Variants in DIP2A observed in about 807,000 individuals in gnomAD.
The protein encoded by DIP2A is DIP2 acetate--CoA ligase A.
DIP2A carries 85 observed loss-of-function variants against 177.4 expected under a neutral mutation model. That is an observed-to-expected ratio of 0.48 (90% CI 0.40 to 0.57). The LOEUF (loss-of-function observed/expected upper bound fraction) is 0.57, where lower values mean the gene tolerates loss of function less well. Among genes scored for constraint, DIP2A ranks in the 20% least tolerant of loss-of-function variants. The pLI is 0.00. For missense variants in DIP2A, 1,791 were observed against 2,100.2 expected (o/e 0.85, Z 2.88); for synonymous variants, 886 against 881.8 (o/e 1.00, Z -0.08).
rs2058307263 is a variant in DIP2A, at chr21:46,511,428, G to T, written c.916G>T (p.Asp306Tyr). The T allele has an allele frequency of 6.2e-7, 1 of 1,609,878 alleles. No homozygotes were observed. The highest frequency in any genetic ancestry group is 1.1e-5 in the South Asian group (1 of 90,238). Residue 306 changes from aspartate (D) to tyrosine (Y), a missense_variant, in exon 8 of 38, where the codon GAT (aspartate) becomes TAT (tyrosine). Coordinates refer to ENST00000417564, the MANE Select transcript of DIP2A (RefSeq NM_015151.4). The part of the protein sequence containing the change: ...FEELLEVQQP[D>Y]PNQPKPEGSE... Reference sequence around the variant, plus strand: ...GATTTTGCTTGTAGTTCAGCAACCAGATCCAAATCAGCCAAAGCCTGAGGG... The same window carrying T: ...GATTTTGCTTGTAGTTCAGCAACCATATCCAAATCAGCCAAAGCCTGAGGG...
chr21:46,507,745 G>C (rs1338437210), intron 6 of DIP2A, among the ~76,000 whole-genome samples: 6 of 129,766 alleles, frequency 4.6e-5, no homozygotes, highest in African/African-American at 1.8e-4. Flanking sequence ...CTGTCACCCA[G>C]GATGGAGTGC....
intron 1 of DIP2A, among the ~76,000 whole-genome samples, chr21:46,483,296 T>C (rs974441827): frequency 1.4e-5 from 2 of 147,600 alleles, no homozygotes; most frequent in African/African-American, 5.1e-5. Context: ...AAAGACACTA[T>C]AGAAAGAAGC....
Position 46,563,926 on chromosome 21 carries a change from G to A in DIP2A, c.4158G>A (p.Leu1386=). 6.2e-7 allele frequency: 1 copy of A among 1,612,344 alleles called. No homozygotes were observed. The highest frequency in any genetic ancestry group is 8.5e-7 in the Non-Finnish European group (1 of 1,179,578). The change falls in exon 35 of 38, where the codon CTG becomes CTA. Residue 1386 remains leucine, a synonymous_variant. Coordinates refer to ENST00000417564, the MANE Select transcript of DIP2A (RefSeq NM_015151.4). This position sits in a 1 kb window ranked among gnomAD's most constrained non-coding sequence, Gnocchi z 4.3. ...AAGGACCCTTGGGAGACTCACACCT[G>A]GGAGAGGTGAGCAGGGGCCCATGGG... ...ETKGPLGDSH[L]GEIWVSSPHN... is the part of the protein sequence containing the mutation.
At chr21:46,496,158 C>T (rs911541130) in intron 3 of DIP2A, among the ~76,000 whole-genome samples, 3 of 151,974 alleles carry the variant, frequency 2.0e-5, no homozygotes, top group Non-Finnish European at 4.4e-5. Context: ...GCCTCAGCCT[C>T]CTAGAGCGCT....
At position 46,460,025 on chromosome 21, in the gene DIP2A, G is replaced by C. The variant is rs532217319; in HGVS notation, c.91+803G>C. On this transcript the variant is annotated intron_variant, in intron 1 of 37. Transcript: ENST00000417564. The stretch of plus-strand genomic sequence containing the variant: ...ACTTCCCTTGGAGCTGGGAGCCCTT[G>C]CCGCGCGCCTCATACTCTAGGAGCT... Among the ~76,000 whole-genome samples the C allele has an allele frequency of 2.6e-5, 4 of 152,282 alleles. No homozygotes were observed. In the East Asian group the frequency reaches 7.7e-4, roughly 29 times the overall value.
chr21:46,480,175 AAG>A lies in DIP2A; in HGVS notation c.92-4579_92-4578del, dbSNP rs1475251699. 3.3e-5 allele frequency among the ~76,000 whole-genome samples: 5 copies of A among 152,232 alleles called. No individual in the cohort carries two copies. The East Asian group carries it at 7.7e-4, about 24-fold the overall frequency. The stretch of plus-strand genomic sequence containing the variant: ...CCGAGACTTGGTAATTTATAAAGGA[AAG>A]AGGTTTAATGGACACACAGTTCCAC... On this transcript the variant is annotated intron_variant, in intron 1 of 37. Coordinates refer to ENST00000417564, the MANE Select transcript of DIP2A (RefSeq NM_015151.4).
At chr21:46,494,267 G>C (rs1020725542) in intron 3 of DIP2A, among the ~76,000 whole-genome samples, 2 of 152,200 alleles carry the variant, frequency 1.3e-5, no homozygotes, top group Non-Finnish European at 2.9e-5. Flanking sequence ...ACCTTAGTTT[G>C]TAGGAGAAGC....
chr21:46,571,217 CTGA>C (rs2060960444), downstream of DIP2A, among the ~76,000 whole-genome samples: 1 of 152,168 alleles, frequency 6.6e-6, no homozygotes, highest in Admixed American at 6.5e-5. Context: ...AATCTAATGC[CTGA>C]TGATCTGAGG....
intron 6 of DIP2A, 83 bp downstream of exon 6, chr21:46,504,572 A>G (rs2057874349): frequency 6.8e-7 from 1 of 1,469,936 alleles, no homozygotes; most frequent in African/African-American, 1.4e-5. Context: ...TAATGTATTC[A>G]CTGTAGCAAA....
chr21:46,562,489 G>T (rs1325004131), intron 34 of DIP2A, among the ~76,000 whole-genome samples: 1 of 152,218 alleles, frequency 6.6e-6, no homozygotes, highest in African/African-American at 2.4e-5. Context: ...CACTGCCATG[G>T]CCACAGCCAC....
chr21:46,558,656 G>A (rs1244944976), intron 32 of DIP2A: 3 of 493,366 alleles, frequency 6.1e-6, no homozygotes, highest in Non-Finnish European at 1.1e-5. Context: ...CTCTAAGTTA[G>A]ATATAAAACA....
At position 46,504,247 on chromosome 21, in the gene DIP2A, C is replaced by T. The variant is rs542149254; in HGVS notation, c.656-114C>T. On this transcript the variant is annotated intron_variant, in intron 5 of 37. Coordinates refer to ENST00000417564, the MANE Select transcript of DIP2A (RefSeq NM_015151.4). ...AACAAATTAATGAAAATACCACACT[C>T]TCCCCACTTAGAACTCAGCTAGTGG... 6.1e-5 allele frequency: 85 copies of T among 1,384,994 alleles called. No individual in the cohort carries two copies. The African/African-American group carries it at 1.1e-3, about 18-fold the overall frequency. 85.8% of individuals were successfully genotyped at this position (1,384,994 alleles called of 1,614,324 possible). A position where few individuals can be genotyped will look rare whatever the true frequency, so the allele number is the denominator to read the frequency against.
rs887879462 is a variant in DIP2A, at chr21:46,555,022, G to C, written c.3388+89G>C. ...GCCTGGCTGCCGTCCAAAAACACAC[G>C]TGAGGCAAGAGCAGTCCTGGCAGGA... On this transcript the variant is annotated intron_variant, in intron 28 of 37. Coordinates refer to ENST00000417564, the MANE Select transcript of DIP2A (RefSeq NM_015151.4). 12 of 1,344,102 alleles carry C rather than the reference G, an allele frequency of 8.9e-6. No homozygotes were observed. The Admixed American group carries it at 2.2e-4, about 25-fold the overall frequency. 83.3% of individuals were successfully genotyped at this position (1,344,102 alleles called of 1,614,324 possible).
At chr21:46,492,711 C>G (rs2057086528) in intron 3 of DIP2A, among the ~76,000 whole-genome samples, 1 of 152,124 alleles carries the variant, frequency 6.6e-6, no homozygotes, top group African/African-American at 2.4e-5. Context: ...GCCTGTAATC[C>G]CAGCACTTTG....
chr21:46,513,342 C>A (rs2330594), intron 8 of DIP2A, among the ~76,000 whole-genome samples: 41,298 of 152,002 alleles, frequency 0.27, 5,997 homozygotes, highest in East Asian at 0.36. Context: ...GACTCAGTAT[C>A]ATTTATTGAA....
chr21:46,557,825 A>G lies in DIP2A; in HGVS notation c.3798+72A>G. ...CTGGGAAGTTTAAAAACAACAAAACAAAACAAGACTCCCAAGGCCCCTCCC... is the reference window on the plus strand; with the variant it reads ...CTGGGAAGTTTAAAAACAACAAAACGAAACAAGACTCCCAAGGCCCCTCCC... On this transcript the variant is annotated intron_variant, in intron 31 of 37. Coordinates refer to ENST00000417564, the MANE Select transcript of DIP2A (RefSeq NM_015151.4). The surrounding 1 kb of genome is among the most constrained non-coding windows in gnomAD (Gnocchi z 6.0). 6.6e-7 allele frequency: 1 copy of G among 1,525,050 alleles called. No individual in the cohort carries two copies. The allele number at this position is 1,525,050 out of a possible 1,614,324, so 94.5% of individuals were successfully genotyped here. A position where few individuals can be genotyped will look rare whatever the true frequency, so the allele number is the denominator to read the frequency against.
intron 22 of DIP2A, chr21:46,550,114 C>A: frequency 1.7e-6 from 2 of 1,162,662 alleles, no homozygotes; most frequent in Non-Finnish European, 1.2e-6. Context: ...ATATCCATCA[C>A]CTCAATATTT....
At chr21:46,462,175 A>G (rs1278164490) in intron 1 of DIP2A, among the ~76,000 whole-genome samples, 14 of 152,340 alleles carry the variant, frequency 9.2e-5, no homozygotes, top group African/African-American at 2.9e-4. Flanking sequence ...CTTTTGGCCA[A>G]AATAGGTCAG....
chr21:46,474,266 T>A (rs1396121070), intron 1 of DIP2A, among the ~76,000 whole-genome samples: 1 of 152,142 alleles, frequency 6.6e-6, no homozygotes, highest in Non-Finnish European at 1.5e-5. Flanking sequence ...GAGATCTGAG[T>A]GGTGGGACCC....
Sources: allele counts gnomAD v4.1 joint callset (sites outside exome capture counted in the v4.1 genomes callset), GRCh38; gene constraint gnomAD v4.1.1; non-coding constraint Gnocchi (gnomAD v3.1); transcripts MANE v1.5; gene names NCBI Gene and HGNC (gene_info 2026-07-23, HGNC 2026-07-21).